The following IFT25 variants were observed in gnomAD, a reference collection of about 807,000 sequenced individuals.
IFT25 encodes intraflagellar transport protein 25 homolog.
At chr1:53,916,365 T>C in the IFT25 span, among the ~76,000 whole-genome samples, 3 of 152,164 alleles carry the variant, frequency 2.0e-5, no homozygotes, top group East Asian at 1.9e-4. Flanking sequence ...ATACCGTATA[T>C]GAAATGGGTG....
chr1:53,918,691 T>TAG, the IFT25 span, among the ~76,000 whole-genome samples: 1 of 152,216 alleles, frequency 6.6e-6, no homozygotes, highest in Non-Finnish European at 1.5e-5. Flanking sequence ...GGAGGTTATC[T>TAG]CTAGAGTTTG....
At chr1:53,939,945 C>T in the IFT25 span, 17 of 1,158,068 alleles carry the variant, frequency 1.5e-5, no homozygotes, top group East Asian at 4.7e-5. Flanking sequence ...AGGGATTCAC[C>T]GATTTAAGAC....
chr1:53,943,923 A>T, the IFT25 span, among the ~76,000 whole-genome samples: 1 of 152,296 alleles, frequency 6.6e-6, no homozygotes, highest in South Asian at 2.1e-4. Context: ...TGTCCGGCGG[A>T]TAACTTGTTT....
chr1:53,929,777 T>A, the IFT25 span: 1 of 348,776 alleles, frequency 2.9e-6, no homozygotes, highest in Non-Finnish European at 4.8e-6. Flanking sequence ...TGCATGGAAA[T>A]TATTATGTGC....
At chr1:53,928,250 A>G in the IFT25 span, 7 of 742,702 alleles carry the variant, frequency 9.4e-6, no homozygotes, top group East Asian at 1.9e-4. Flanking sequence ...TAGACCCTAA[A>G]TGTGTCACAA....
chr1:53,921,382 C>A, the IFT25 span, among the ~76,000 whole-genome samples: 2 of 152,128 alleles, frequency 1.3e-5, no homozygotes, highest in African/African-American at 4.8e-5. Context: ...AGAGTGGATG[C>A]TGTGGGGATG....
chr1:53,945,306 T>TG, the IFT25 span, among the ~76,000 whole-genome samples: 5 of 152,236 alleles, frequency 3.3e-5, no homozygotes, highest in African/African-American at 7.2e-5. Context: ...TTTTCCCTTT[T>TG]GGGGGGTCAA....
the IFT25 span, among the ~76,000 whole-genome samples, chr1:53,933,604 A>G: frequency 6.6e-6 from 1 of 152,132 alleles, no homozygotes; most frequent in East Asian, 1.9e-4. Flanking sequence ...TCAACTATTC[A>G]TATCTTTATA....
At chr1:53,926,059 G>A in the IFT25 span, among the ~76,000 whole-genome samples, 1 of 135,938 alleles carries the variant, frequency 7.4e-6, no homozygotes, top group Non-Finnish European at 1.5e-5. Context: ...CCGAGATTGC[G>A]CCACTGCACT....
chr1:53,930,313 T>C, the IFT25 span, among the ~76,000 whole-genome samples: 1 of 152,232 alleles, frequency 6.6e-6, no homozygotes, highest in Non-Finnish European at 1.5e-5. Context: ...TCTTCTTTAC[T>C]ACTACCAGGT....
At chr1:53,941,622 A>G in the IFT25 span, among the ~76,000 whole-genome samples, 1 of 152,198 alleles carries the variant, frequency 6.6e-6, no homozygotes, top group African/African-American at 2.4e-5. Context: ...GAACATTGTC[A>G]AGCCTTAGTT....
At chr1:53,916,134 GTGTT>G in the IFT25 span, among the ~76,000 whole-genome samples, 1 of 149,960 alleles carries the variant, frequency 6.7e-6, no homozygotes, top group African/African-American at 2.5e-5. Context: ...GCTGTGAGCT[GTGTT>G]TGTGCCACTG....
At chr1:53,911,606 T>TA in the IFT25 span, among the ~76,000 whole-genome samples, 1 of 152,122 alleles carries the variant, frequency 6.6e-6, no homozygotes, top group South Asian at 2.1e-4. Flanking sequence ...TTAATCTCTA[T>TA]ATATCTCAAA....
At chr1:53,943,142 T>C in the IFT25 span, among the ~76,000 whole-genome samples, 2 of 152,200 alleles carry the variant, frequency 1.3e-5, no homozygotes, top group African/African-American at 4.8e-5. Flanking sequence ...CAGGAAGACT[T>C]TGGAGAGACA....
the IFT25 span, chr1:53,921,737 A>G: frequency 6.2e-7 from 1 of 1,613,828 alleles, no homozygotes; most frequent in Admixed American, 1.7e-5. Context: ...ACAATAATGA[A>G]TCTCAAGTAA....
At chr1:53,931,035 A>G in the IFT25 span, among the ~76,000 whole-genome samples, 1 of 152,186 alleles carries the variant, frequency 6.6e-6, no homozygotes, top group Non-Finnish European at 1.5e-5. Flanking sequence ...TATGTAACCA[A>G]TACTCCAATG....
the IFT25 span, among the ~76,000 whole-genome samples, chr1:53,939,167 G>A: frequency 3.8e-4 from 57 of 151,520 alleles, no homozygotes; most frequent in East Asian, 9.1e-3. Context: ...TAAGGTGCGC[G>A]GATCACAAGG....
At chr1:53,943,743 C>T in the IFT25 span, among the ~76,000 whole-genome samples, 1 of 152,066 alleles carries the variant, frequency 6.6e-6, no homozygotes, top group South Asian at 2.1e-4. Context: ...CCCACCTCAG[C>T]CTTCCTAGTA....
chr1:53,943,193 C>G, the IFT25 span, among the ~76,000 whole-genome samples: 2 of 152,022 alleles, frequency 1.3e-5, no homozygotes, highest in Non-Finnish European at 2.9e-5. Context: ...TTTCTTTCAT[C>G]CCTGAAAACG....
Sources: allele counts gnomAD v4.1 joint callset (sites outside exome capture counted in the v4.1 genomes callset), GRCh38; gene constraint gnomAD v4.1.1; transcripts MANE v1.5; gene names NCBI Gene and HGNC (gene_info 2026-07-23, HGNC 2026-07-21).